The following DNAI4 variants were observed in gnomAD, a reference collection of about 807,000 sequenced individuals.
DNAI4 encodes dynein axonemal intermediate chain 4.
DNAI4 carries 85 observed loss-of-function variants against 105.8 expected under a neutral mutation model. That is an observed-to-expected ratio of 0.80 (90% CI 0.67 to 0.96). DNAI4 has a LOEUF of 0.96. DNAI4 is among the 40% of genes least tolerant of loss of function. The pLI, the probability that DNAI4 is intolerant of heterozygous loss-of-function variation, is 0.00. For missense variants in DNAI4, 1,014 were observed against 1,005.6 expected (o/e 1.01, Z -0.11); for synonymous variants, 352 against 331.5 (o/e 1.06, Z -0.67).
intron 1 of DNAI4, among the ~76,000 whole-genome samples, chr1:66,915,310 T>A (rs184627556): frequency 3.3e-5 from 5 of 152,326 alleles, no homozygotes; most frequent in African/African-American, 9.6e-5. Context: ...AACTATAAAC[T>A]AAGTACCTCC....
At chr1:66,899,351 C>T (rs1925408) in intron 2 of DNAI4, among the ~76,000 whole-genome samples, 119,344 of 152,120 alleles carry the variant, frequency 0.78, 47,193 homozygotes, top group East Asian at 0.88. Context: ...TGGCTAACAA[C>T]GTCCACCATA....
At chr1:66,877,951 T>G (rs1646991580) in intron 4 of DNAI4, among the ~76,000 whole-genome samples, 1 of 152,196 alleles carries the variant, frequency 6.6e-6, no homozygotes, top group Admixed American at 6.6e-5. Flanking sequence ...AACTTATCAT[T>G]GATGGTGTTA....
In DNAI4 at chr1:66,895,116, C is replaced by A. The variant is rs538753265; in HGVS notation, c.346-1703G>T. On this transcript the variant is annotated intron_variant, in intron 2 of 16. Transcript: ENST00000371026. ...GTTTTAAAAATATTGGTATATGCAT[C>A]TTTTGTTATATTTTTCCACAAGTGC... Among the ~76,000 whole-genome samples the A allele has an allele frequency of 2.6e-5, 4 of 152,190 alleles. No individual in the cohort carries two copies. The South Asian group carries it at 8.3e-4, about 32-fold the overall frequency.
intron 4 of DNAI4, among the ~76,000 whole-genome samples, chr1:66,877,321 A>C (rs1347890357): frequency 6.6e-6 from 1 of 152,166 alleles, no homozygotes; most frequent in African/African-American, 2.4e-5. Context: ...TTTGGCCCCT[A>C]CCTTGCAATT....
intron 16 of DNAI4, among the ~76,000 whole-genome samples, chr1:66,820,003 A>G (rs113902709): frequency 7.2e-5 from 11 of 152,274 alleles, no homozygotes; most frequent in African/African-American, 2.6e-4. Context: ...ATGTATTTGG[A>G]TTCACTTAAA....
At chr1:66,883,520 C>T (rs927162535) in intron 4 of DNAI4, among the ~76,000 whole-genome samples, 3 of 152,080 alleles carry the variant, frequency 2.0e-5, no homozygotes, top group African/African-American at 7.2e-5. Flanking sequence ...TCAGGTGATC[C>T]GCCCATCTCG....
Position 66,835,681 on chromosome 1 carries a change from T to G in DNAI4, c.1678A>C (p.Thr560Pro). The change falls in exon 11 of 17, where the codon ACA becomes CCA. Residue 560 changes from threonine to proline, a missense_variant. Thr to Pro is a conservative substitution (Grantham distance 38). Coordinates refer to ENST00000371026, the MANE Select transcript of DNAI4 (RefSeq NM_024763.5). ...NLLAVGYHNG[T>P]IAIYNVRSNS... is the part of the protein sequence containing the mutation. Reference sequence around the variant, plus strand: ...CTCCGTACATTGTAAATTGCAATTGTGCCATTGTGATAGCCAACGGCTAAA... The same window carrying G: ...CTCCGTACATTGTAAATTGCAATTGGGCCATTGTGATAGCCAACGGCTAAA... 1 of 1,614,164 alleles carries G rather than the reference T, an allele frequency of 6.2e-7. No individual in the cohort carries two copies. Among genetic ancestry groups the G allele is most frequent in the South Asian group, 1.1e-5 (1 of 91,088 alleles).
At position 66,814,643 on chromosome 1, in the gene DNAI4, C is replaced by T. The variant is rs139884489; in HGVS notation, c.2497-463G>A. On this transcript the variant is annotated intron_variant, in intron 16 of 16. Transcript: ENST00000371026. The stretch of plus-strand genomic sequence containing the variant: ...TTGGCCTCCCAAAGTGCTGGGATTA[C>T]ATGCGTGAGCCACCGCGCCTGGCCA... 7.0e-4 allele frequency among the ~76,000 whole-genome samples: 106 copies of T among 152,304 alleles called. 1 individual carries two copies. The East Asian group carries it at 0.018, about 26-fold the overall frequency.
At position 66,890,225 on chromosome 1, in the gene DNAI4, T is replaced by G. The variant is rs1569784735; in HGVS notation, c.643+929A>C. 1 of 152,564 alleles carries G rather than the reference T, an allele frequency of 6.6e-6. No individual in the cohort carries two copies. Among genetic ancestry groups the G allele is most frequent in the Non-Finnish European group, 1.5e-5 (1 of 68,440 alleles). The allele number at this position is 152,564 out of a possible 1,614,324, so 9.5% of individuals were successfully genotyped here. On this transcript the variant is annotated intron_variant, in intron 4 of 16. Transcript: ENST00000371026. This position sits in a 1 kb window ranked among gnomAD's most constrained non-coding sequence, Gnocchi z 4.1. ...TCAGAGGCTGAGGTGGGAGGATCGC[T>G]GGAGCCCAGGAAGCAGAGGTTGCAG...
intron 6 of DNAI4, among the ~76,000 whole-genome samples, chr1:66,867,357 T>C (rs1011790680): frequency 2.6e-5 from 4 of 152,220 alleles, no homozygotes; most frequent in African/African-American, 9.6e-5. Flanking sequence ...TGAGAGGTTT[T>C]ACTGAATTAT....
Position 66,847,633 on chromosome 1 carries a change from G to A in DNAI4, c.1142C>T (p.Ala381Val), listed in dbSNP as rs754428848. 1.9e-6 allele frequency: 3 copies of A among 1,613,090 alleles called. No individual in the cohort carries two copies. Among genetic ancestry groups the A allele is most frequent in the Non-Finnish European group, 2.5e-6 (3 of 1,179,740 alleles). ...GTCTTCCTCATCTTCATGGATTTTT[G>A]CCAGAATTACATTTTCTATGTCCAT... ...SLMDIENVIL[A>V]KIHEDEEDHS... Residue 381 changes from alanine to valine, a missense_variant, in exon 8 of 17, where the codon GCA becomes GTA. By Grantham distance (64) the Ala-to-Val change is moderately conservative. Coordinates refer to ENST00000371026, the MANE Select transcript of DNAI4 (RefSeq NM_024763.5).
Position 66,871,460 on chromosome 1 carries a change from CA to C in DNAI4, c.849del (p.Asn283LysfsTer8). On this transcript the variant is annotated frameshift_variant, in exon 6 of 17. Transcript: ENST00000371026. LOFTEE classifies it high-confidence loss of function. ...TGCATCATCCTTTCAACATATAGGT[CA>C]TTGCCTAATCTGTTTCTACAAAGGA... is the stretch of plus-strand genomic sequence containing the variant. The part of the protein sequence containing the change: ...YEVLCRNRLG[N>X]DLYVERMMQT... The C allele has an allele frequency of 1.2e-6, 2 of 1,610,820 alleles. No homozygotes were observed. Among genetic ancestry groups the C allele is most frequent in the Non-Finnish European group, 1.7e-6 (2 of 1,178,428 alleles).
chr1:66,826,903 G>A lies in DNAI4; in HGVS notation c.2256C>T (p.Asp752=), dbSNP rs145210188. Residue 752 remains aspartate, a synonymous_variant, in exon 15 of 17, where the codon GAC becomes GAT. Transcript: ENST00000371026. ...AGGATGATTTTGGAGACCAGGCAACGTCGTAAACAACAGAAGTAGCTGGAT... is the reference window on the plus strand; with the variant it reads ...AGGATGATTTTGGAGACCAGGCAACATCGTAAACAACAGAAGTAGCTGGAT... ...SFYPATSVVY[D]VAWSPKSSYI... 96 of 1,614,088 alleles carry A rather than the reference G, an allele frequency of 5.9e-5. No homozygotes were observed. In the Middle Eastern group the frequency reaches 8.2e-4, roughly 14 times the overall value.
At chr1:66,873,669 C>T (rs1263007811) in intron 5 of DNAI4, among the ~76,000 whole-genome samples, 3 of 152,122 alleles carry the variant, frequency 2.0e-5, no homozygotes, top group African/African-American at 7.2e-5. Context: ...TAATTGAGCT[C>T]CTTTTGAGAG....
intron 1 of DNAI4, 140 bp downstream of exon 1, chr1:66,924,522 G>A: frequency 8.8e-7 from 1 of 1,136,810 alleles, no homozygotes; most frequent in Non-Finnish European, 1.3e-6. Context: ...GAGACATTGT[G>A]GCCTAGGAGC....
In DNAI4 at chr1:66,893,409, A is replaced by C; in HGVS notation, c.350T>G (p.Phe117Cys). Residue 117 changes from phenylalanine to cysteine, a missense_variant, in exon 3 of 17, where the codon TTT becomes TGT. Transcript: ENST00000371026. ...PNPNIKTTQV[F>C]DINGTDVTPR... ...AGTAACATCAGTTCCATTTATGTCA[A>C]ATACCTGTTAAAAATGGTTATTTAA... 1 of 1,523,392 alleles carries C rather than the reference A, an allele frequency of 6.6e-7. No individual in the cohort carries two copies. Among genetic ancestry groups the C allele is most frequent in the South Asian group, 1.3e-5 (1 of 76,364 alleles). The allele number at this position is 1,523,392 out of a possible 1,614,324, so 94.4% of individuals were successfully genotyped here. A position where few individuals can be genotyped will look rare whatever the true frequency, so the allele number is the denominator to read the frequency against.
intron 1 of DNAI4, chr1:66,919,045 T>G: frequency 2.4e-6 from 1 of 422,464 alleles, no homozygotes; most frequent in South Asian, 1.7e-5. Context: ...CCTCCCTGCT[T>G]CAAGTTGTCC....
chr1:66,831,672 A>C (rs1038442787), intron 13 of DNAI4, among the ~76,000 whole-genome samples: 2 of 152,194 alleles, frequency 1.3e-5, no homozygotes, highest in East Asian at 3.8e-4. Flanking sequence ...CACCATACCT[A>C]ATAGTAAAAG....
At chr1:66,895,668 T>C (rs1168355631) in intron 2 of DNAI4, among the ~76,000 whole-genome samples, 1 of 152,166 alleles carries the variant, frequency 6.6e-6, no homozygotes, top group African/African-American at 2.4e-5. Context: ...TTTGACATGA[T>C]CACTACTGTA....
Sources: gnomAD v4.1 joint callset for allele counts (sites outside exome capture counted in the v4.1 genomes callset) on GRCh38, gnomAD v4.1.1 for gene constraint, Gnocchi (gnomAD v3.1) non-coding constraint, MANE v1.5 for transcripts, NCBI Gene and HGNC (gene_info 2026-07-23, HGNC 2026-07-21) for gene names.